Variants in RASA1 observed in about 807,000 individuals in gnomAD.
The protein encoded by RASA1 is ras GTPase-activating protein 1.
RASA1 carries 25 observed loss-of-function variants against 132.2 expected under a neutral mutation model. The ratio of observed to expected loss-of-function variants is 0.19; its 90% CI spans 0.14 to 0.26. RASA1 has a LOEUF of 0.26. RASA1 is among the 10% of genes least tolerant of loss of function. The probability of loss-of-function intolerance (pLI) is 1.00; values close to 1 mark genes in which losing one functional copy is unlikely to be tolerated. For synonymous variants in RASA1, 477 were observed against 449.9 expected, an observed-to-expected ratio of 1.06 and a Z score of -0.76; for missense variants, 964 against 1,299.2, an observed-to-expected ratio of 0.74 and a Z score of 3.97.
In RASA1 at chr5:87,379,776, T is replaced by C; in HGVS notation, c.2529T>C (p.Thr843=). 1 of 1,612,808 alleles carries C rather than the reference T, an allele frequency of 6.2e-7. No homozygotes were observed. The highest frequency in any genetic ancestry group is 2.2e-5 in the East Asian group (1 of 44,700). ...SKLEKNEDVN[T]NLTHLLNILS... ...TAGAAAAAAATGAAGATGTGAACAC[T>C]AATTTAACACACCTATTGAACATAC... Residue 843 remains threonine, a synonymous_variant, in exon 19 of 25, where the codon ACT becomes ACC. Coordinates refer to ENST00000274376, the MANE Select transcript of RASA1 (RefSeq NM_002890.3).
At chr5:87,345,345 T>C (rs2112410943) in intron 6 of RASA1, among the ~76,000 whole-genome samples, 1 of 152,320 alleles carries the variant, frequency 6.6e-6, no homozygotes, top group South Asian at 2.1e-4. Context: ...CTATCACTTT[T>C]TTACCCTTCT....
rs533885281 is a variant in RASA1, at chr5:87,387,157, G to C, written c.2925+254G>C. Reference sequence around the variant, plus strand: ...TTAGACTACTTCCATCATTTTTTAGGGTCTGTCTTGCTTTTCATATCCTTT... The same window carrying C: ...TTAGACTACTTCCATCATTTTTTAGCGTCTGTCTTGCTTTTCATATCCTTT... On this transcript the variant is annotated intron_variant, in intron 23 of 24. Transcript: ENST00000274376. 4.6e-5 allele frequency among the ~76,000 whole-genome samples: 7 copies of C among 151,880 alleles called. No individual in the cohort carries two copies. In the South Asian group the frequency reaches 1.5e-3, roughly 32 times the overall value.
intron 1 of RASA1, among the ~76,000 whole-genome samples, chr5:87,287,086 A>G (rs933918577): frequency 1.9e-4 from 28 of 145,712 alleles, no homozygotes; most frequent in African/African-American, 7.1e-4. Context: ...TATACACACC[A>G]TATATATACA....
rs774516134 is a variant in RASA1, at chr5:87,372,198, G to A, written c.1776+3G>A. On this transcript the variant is annotated splice_donor_region_variant and intron_variant, in intron 13 of 24. Transcript: ENST00000274376. ...CATCCAATAAACGCCTTCGTCAGGT[G>A]AAGCTTAATTTTCTTGGATTTTTAA... 1 of 1,612,578 alleles carries A rather than the reference G, an allele frequency of 6.2e-7. No individual in the cohort carries two copies. Among genetic ancestry groups the A allele is most frequent in the Admixed American group, 1.7e-5 (1 of 59,976 alleles).
intron 1 of RASA1, among the ~76,000 whole-genome samples, chr5:87,276,785 G>A (rs1754078850): frequency 6.6e-6 from 1 of 152,154 alleles, no homozygotes; most frequent in African/African-American, 2.4e-5. Flanking sequence ...TAACATTTGT[G>A]TTTCAAATTG....
chr5:87,286,957 A>T (rs1754602947), intron 1 of RASA1, among the ~76,000 whole-genome samples: 1 of 147,308 alleles, frequency 6.8e-6, no homozygotes, highest in Non-Finnish European at 1.5e-5. Context: ...ATATATACAT[A>T]CCATATATAC....
intron 13 of RASA1, among the ~76,000 whole-genome samples, chr5:87,372,701 TA>T (rs1761037682): frequency 6.6e-6 from 1 of 152,222 alleles, no homozygotes; most frequent in Non-Finnish European, 1.5e-5. Flanking sequence ...TTTTTGCCTT[TA>T]CAAGGGTAAC....
chr5:87,318,873 AG>A (rs1756553310), intron 1 of RASA1: 1 of 152,282 alleles, frequency 6.6e-6, no homozygotes, highest in African/African-American at 2.4e-5. Flanking sequence ...ATCTGAGACA[AG>A]GCAAGTCCAT....
chr5:87,372,879 G>A (rs1015516174), intron 13 of RASA1, among the ~76,000 whole-genome samples: 3 of 152,262 alleles, frequency 2.0e-5, no homozygotes, highest in Admixed American at 1.3e-4. Context: ...GATAAGCTGA[G>A]TGATTAACAT....
Position 87,349,353 on chromosome 5 carries a change from G to A in RASA1, c.1242G>A (p.Arg414=), listed in dbSNP as rs1759094178. ...TPNNQFMMGG[R]YYNSIGDIID... ...ACAATCAGTTTATGATGGGAGGCCGGTATTATAACAGGTAAATCATAATTT... is the reference window on the plus strand; with the variant it reads ...ACAATCAGTTTATGATGGGAGGCCGATATTATAACAGGTAAATCATAATTT... Residue 414 remains arginine (R), a synonymous_variant, in exon 8 of 25, where the codon CGG becomes CGA. Coordinates refer to ENST00000274376, the MANE Select transcript of RASA1 (RefSeq NM_002890.3). The A allele has an allele frequency of 6.2e-7, 1 of 1,611,326 alleles. No homozygotes were observed. The highest frequency in any genetic ancestry group is 1.1e-5 in the South Asian group (1 of 91,000).
At chr5:87,303,311 T>C (rs1321929407) in intron 1 of RASA1, among the ~76,000 whole-genome samples, 1 of 152,190 alleles carries the variant, frequency 6.6e-6, no homozygotes, top group East Asian at 1.9e-4. Context: ...TCCTGAAGTC[T>C]TACGTTGTAC....
chr5:87,349,088 AAAAC>A, intron 7 of RASA1, 122 bp from the exon 8 acceptor site: 1 of 1,210,686 alleles, frequency 8.3e-7, no homozygotes, highest in Admixed American at 2.4e-5. Flanking sequence ...TCTTAAAAAA[AAAAC>A]AAGTTCCTGG....
intron 1 of RASA1, among the ~76,000 whole-genome samples, chr5:87,286,387 T>G (rs555351459): frequency 4.6e-5 from 7 of 152,238 alleles, no homozygotes; most frequent in African/African-American, 1.7e-4. Flanking sequence ...CTCAGCCAAT[T>G]GATAACTCTT....
intron 1 of RASA1, among the ~76,000 whole-genome samples, chr5:87,291,694 C>T (rs1754916269): frequency 6.6e-6 from 1 of 152,116 alleles, no homozygotes; most frequent in African/African-American, 2.4e-5. Flanking sequence ...AAGTGTGGCA[C>T]CTTGCCCGCT....
chr5:87,387,371 A>G (rs964989537), intron 23 of RASA1, among the ~76,000 whole-genome samples: 3 of 152,182 alleles, frequency 2.0e-5, no homozygotes, highest in Admixed American at 2.0e-4. Flanking sequence ...CAGTGTGAAT[A>G]TCTGTGCCTC....
intron 6 of RASA1, among the ~76,000 whole-genome samples, chr5:87,341,790 T>G (rs1456227359): frequency 2.0e-5 from 3 of 152,168 alleles, no homozygotes; most frequent in South Asian, 2.1e-4. Flanking sequence ...ATCTGAACCA[T>G]TAATCCCAAT....
rs1761217959 is a variant in RASA1, at chr5:87,374,894, G to A, written c.1989G>A (p.Lys663=). Residue 663 remains lysine, a synonymous_variant, in exon 15 of 25, where the codon AAG becomes AAA. Transcript: ENST00000274376. ...RFEITLSNKT[K]KSKDPDILFM... is the part of the protein sequence containing the mutation. Reference sequence around the variant, plus strand: ...AAATAACTCTTAGTAATAAAACAAAGAAAAGCAAAGATCCTGATATCTGTA... The same window carrying A: ...AAATAACTCTTAGTAATAAAACAAAAAAAAGCAAAGATCCTGATATCTGTA... 1 of 1,606,924 alleles carries A rather than the reference G, an allele frequency of 6.2e-7. No individual in the cohort carries two copies. The highest frequency in any genetic ancestry group is 1.3e-5 in the African/African-American group (1 of 74,668).
chr5:87,387,023 T>A, intron 23 of RASA1, 120 bp downstream of exon 23: 1 of 912,326 alleles, frequency 1.1e-6, no homozygotes, highest in Non-Finnish European at 1.7e-6. Flanking sequence ...ACAAAAAGCC[T>A]GCAAATTTTT....
chr5:87,372,620 T>C (rs562625611), intron 13 of RASA1, among the ~76,000 whole-genome samples: 1 of 152,310 alleles, frequency 6.6e-6, no homozygotes, highest in African/African-American at 2.4e-5. Flanking sequence ...AGGAAATATT[T>C]AATCTTATTT....
Sources: gnomAD v4.1 joint callset for allele counts (sites outside exome capture counted in the v4.1 genomes callset) on GRCh38, gnomAD v4.1.1 for gene constraint, MANE v1.5 for transcripts, NCBI Gene and HGNC (gene_info 2026-07-23, HGNC 2026-07-21) for gene names.